ABCC9: variants seen among roughly 807,000 people sequenced by gnomAD.
The protein encoded by ABCC9 is ATP-binding cassette sub-family C member 9.
Under a neutral mutation model 188.3 loss-of-function variants are expected in ABCC9, and 95 were observed. That is an observed-to-expected ratio of 0.50 (90% CI 0.43 to 0.60). The LOEUF is 0.60. Among genes scored for constraint, ABCC9 ranks in the 20% least tolerant of loss-of-function variants. ABCC9 has a pLI of 0.00. For synonymous variants in ABCC9, 659 were observed against 652.7 expected, an observed-to-expected ratio of 1.01 and a Z score of -0.15; for missense variants, 1,102 against 1,876.3, an observed-to-expected ratio of 0.59 and a Z score of 7.62.
At position 21,908,331 on chromosome 12, in the gene ABCC9, G is replaced by A; in HGVS notation, c.1321-120C>T. On this transcript the variant is annotated intron_variant, in intron 10 of 39. Coordinates refer to ENST00000261200, the MANE Select transcript of ABCC9 (RefSeq NM_020297.4). The stretch of plus-strand genomic sequence containing the variant: ...TAATTATTATATTGTTTATTTGGAA[G>A]TCAACGGTATTAGGGTTCTCTAGAG... 5.4e-6 allele frequency: 7 copies of A among 1,285,128 alleles called. No individual in the cohort carries two copies. In the South Asian group the frequency reaches 9.0e-5, roughly 17 times the overall value. 79.6% of individuals were successfully genotyped at this position (1,285,128 alleles called of 1,614,324 possible).
rs1555195612 is a variant in ABCC9, at chr12:21,875,724, G to A, written c.2022C>T (p.Val674=). 3.7e-6 allele frequency: 6 copies of A among 1,605,540 alleles called. No homozygotes were observed. Among genetic ancestry groups the A allele is most frequent in the Non-Finnish European group, 4.3e-6 (5 of 1,172,576 alleles). ...TGCCCCATGAAAAGTATCCATTTGT[G>A]ACCTACAAAATAAAAATACAGAAAT... ...PAETEDIAIK[V]TNGYFSWGSG... The change falls in exon 17 of 40, where the codon GTC becomes GTT. Residue 674 remains valine (V), a splice_region_variant and synonymous_variant. Transcript: ENST00000261200.
At chr12:21,925,022 T>C (rs563813074) in intron 5 of ABCC9, 1 of 152,524 alleles carries the variant, frequency 6.6e-6, no homozygotes, top group East Asian at 1.9e-4. Context: ...GTGTGTGTTT[T>C]CAATATTTCT....
chr12:21,850,338 TCA>T (rs934386474), intron 24 of ABCC9, among the ~76,000 whole-genome samples: 1 of 152,070 alleles, frequency 6.6e-6, no homozygotes, highest in African/African-American at 2.4e-5. Context: ...GTGGTCTTGT[TCA>T]CAGTGTGATT....
intron 22 of ABCC9, among the ~76,000 whole-genome samples, chr12:21,857,157 C>T (rs1157876296): frequency 6.6e-6 from 1 of 152,094 alleles, no homozygotes; most frequent in African/African-American, 2.4e-5. Flanking sequence ...GATCATAAGA[C>T]CCAAGAGTTT....
chr12:21,911,933 G>A (rs1691622905), intron 8 of ABCC9, among the ~76,000 whole-genome samples: 1 of 151,700 alleles, frequency 6.6e-6, no homozygotes, highest in South Asian at 2.1e-4. Flanking sequence ...GCTAAGCATT[G>A]TGAACACAAA....
intron 8 of ABCC9, 27 bp from the exon 9 acceptor site, chr12:21,911,005 T>C: frequency 6.2e-7 from 1 of 1,610,540 alleles, no homozygotes; most frequent in South Asian, 1.1e-5. Flanking sequence ...AAAAGTGTCA[T>C]ATTAAAACTC....
At chr12:21,828,905 A>C (rs1324612354) in intron 31 of ABCC9, 53 bp downstream of exon 31, 8 of 1,421,154 alleles carry the variant, frequency 5.6e-6, no homozygotes, top group Non-Finnish European at 8.0e-6. Context: ...GCCTCTTTGC[A>C]GCAGGCGTCT....
In ABCC9 at chr12:21,886,942, C is replaced by A. The variant is rs561297087; in HGVS notation, c.1911+884G>T. On this transcript the variant is annotated intron_variant, in intron 15 of 39. Coordinates refer to ENST00000261200, the MANE Select transcript of ABCC9 (RefSeq NM_020297.4). ...TCCAGAAGGGCCTTCTTGGAAATGA[C>A]CACCCTGCTTCAAGTACCCAATTCA... Among the ~76,000 whole-genome samples, 6 of 152,178 alleles carry A rather than the reference C, an allele frequency of 3.9e-5. No individual in the cohort carries two copies. The East Asian group carries it at 9.6e-4, about 24-fold the overall frequency.
chr12:21,913,736 T>C (rs915883642), intron 7 of ABCC9, among the ~76,000 whole-genome samples: 3 of 152,172 alleles, frequency 2.0e-5, no homozygotes, highest in African/African-American at 4.8e-5. Flanking sequence ...TAGTTGTTTG[T>C]TGTAAATAAA....
intron 12 of ABCC9, among the ~76,000 whole-genome samples, chr12:21,897,565 G>C (rs1254709844): frequency 2.0e-5 from 3 of 152,126 alleles, no homozygotes; most frequent in African/African-American, 4.8e-5. Flanking sequence ...ATTATTAATA[G>C]CTCATGTTAC....
At chr12:21,913,192 T>C in intron 7 of ABCC9, 126 bp from the exon 8 acceptor site, 1 of 795,470 alleles carries the variant, frequency 1.3e-6, no homozygotes, top group Non-Finnish European at 1.9e-6. Flanking sequence ...TAAAAATTGA[T>C]GTTAATGTGT....
Position 21,895,260 on chromosome 12 carries a change from G to A in ABCC9, c.1659+15C>T. ...GACTTGGTTTCATTTCTAAAAGAGA[G>A]AAAAAGTGTCTTACAGCAAGAACAG... On this transcript the variant is annotated intron_variant, in intron 13 of 39. Transcript: ENST00000261200. 1 of 1,610,204 alleles carries A rather than the reference G, an allele frequency of 6.2e-7. No individual in the cohort carries two copies. The highest frequency in any genetic ancestry group is 8.5e-7 in the Non-Finnish European group (1 of 1,176,658).
chr12:21,844,744 G>T (rs187876084), intron 27 of ABCC9, 23 bp downstream of exon 27: 3 of 1,613,146 alleles, frequency 1.9e-6, no homozygotes, highest in Non-Finnish European at 2.5e-6. Flanking sequence ...ATGTGTGGGA[G>T]TGAGAAATAA....
chr12:21,828,489 G>T (rs1443113554), intron 31 of ABCC9: 1 of 216,948 alleles, frequency 4.6e-6, no homozygotes, highest in East Asian at 1.2e-4. Context: ...GCTTGTGCTT[G>T]TTCTTCTACA....
chr12:21,803,656 CAAAAA>C (rs3061809), intron 39 of ABCC9, among the ~76,000 whole-genome samples: 6 of 84,614 alleles, frequency 7.1e-5, no homozygotes, highest in Non-Finnish European at 9.8e-5. Flanking sequence ...ACTCTGTCTC[CAAAAA>C]AAAAAAAAAA....
chr12:21,901,286 C>A (rs955541705), intron 12 of ABCC9, among the ~76,000 whole-genome samples: 5 of 152,116 alleles, frequency 3.3e-5, no homozygotes, highest in Non-Finnish European at 7.4e-5. Flanking sequence ...ACCTGCCCTA[C>A]AAGAGCTCCT....
chr12:21,802,966 A>G lies in ABCC9; in HGVS notation c.4513-1785T>C, dbSNP rs541534287. On this transcript the variant is annotated intron_variant, in intron 39 of 39. Coordinates refer to ENST00000261200, the MANE Select transcript of ABCC9 (RefSeq NM_020297.4). ...AAATGTGATAATGATGCCAGCTTAG[A>G]ACATGTGCCAGTTTTCAATACCCAT... is the stretch of plus-strand genomic sequence containing the variant. Among the ~76,000 whole-genome samples the G allele has an allele frequency of 1.9e-4, 29 of 152,196 alleles. No homozygotes were observed. The South Asian group carries it at 2.3e-3, about 12-fold the overall frequency.
intron 22 of ABCC9, among the ~76,000 whole-genome samples, chr12:21,857,700 A>G (rs1945296394): frequency 6.6e-6 from 1 of 152,154 alleles, no homozygotes; most frequent in South Asian, 2.1e-4. Context: ...ATAGTCAGAG[A>G]GACATCATGT....
Position 21,912,978 on chromosome 12 carries a change from G to A in ABCC9, c.905C>T (p.Thr302Ile). ...CAGTAAATCAGCCAGATAGCGGAAT[G>A]TGCTACTAAGTAGAATTGGTCGCCC... ...AFGRPILLSSTFRYLADLLGF... is the reference protein window; with the variant it reads ...AFGRPILLSSIFRYLADLLGF... Residue 302 changes from threonine to isoleucine, a missense_variant, in exon 8 of 40, where the codon ACA (threonine) becomes ATA (isoleucine). By Grantham distance (89) the Thr-to-Ile change is moderately conservative. Around this residue, in one of 12 missense-constraint regions of ABCC9, gnomAD observed 305 missense variants for 573.0 expected, o/e 0.53. Coordinates refer to ENST00000261200, the MANE Select transcript of ABCC9 (RefSeq NM_020297.4). The A allele has an allele frequency of 6.2e-7, 1 of 1,613,382 alleles. No individual in the cohort carries two copies. The highest frequency in any genetic ancestry group is 8.5e-7 in the Non-Finnish European group (1 of 1,179,686).
Sources: allele counts gnomAD v4.1 joint callset (sites outside exome capture counted in the v4.1 genomes callset), GRCh38; gene constraint gnomAD v4.1.1; regional missense constraint gnomAD v4.1.1; transcripts MANE v1.5; gene names NCBI Gene and HGNC (gene_info 2026-07-23, HGNC 2026-07-21).